Variants in ERG observed in about 807,000 individuals in gnomAD.
The protein encoded by ERG is transcriptional regulator ERG.
Under a neutral mutation model 55.3 loss-of-function variants are expected in ERG, and 9 were observed. That is an observed-to-expected ratio of 0.16 (90% CI 0.10 to 0.28). The LOEUF (loss-of-function observed/expected upper bound fraction) is 0.28, where lower values mean the gene tolerates loss of function less well. Among genes scored for constraint, ERG ranks in the 10% least tolerant of loss-of-function variants. The probability of loss-of-function intolerance (pLI) is 1.00; values close to 1 mark genes in which losing one functional copy is unlikely to be tolerated. For synonymous variants in ERG, 223 were observed against 237.3 expected (o/e 0.94, Z 0.55); for missense variants, 434 against 631.6 (o/e 0.69, Z 3.35).
intron 1 of ERG, among the ~76,000 whole-genome samples, chr21:38,600,190 C>T (rs746093404): frequency 2.6e-5 from 4 of 152,198 alleles, no homozygotes; most frequent in East Asian, 1.9e-4. Flanking sequence ...CCCAACCCCG[C>T]CCCGGCTTTG....
rs373159463 is a variant in ERG at position 38,445,514 on chromosome 21, T to C, written c.126A>G (p.Gly42=). The change falls in exon 2 of 10, where the codon GGA becomes GGG. Residue 42 remains glycine (G), a synonymous_variant. Coordinates refer to ENST00000288319, the MANE Select transcript of ERG (RefSeq NM_182918.4). ...EMTASSSSDY[G]QTSKMSPRVP... is the part of the protein sequence containing the mutation. ...CGCGTGGGCTCATCTTGGAAGTCTG[T>C]CCATAGTCGCTGGAGGAGGACGCGG... 2 of 1,613,986 alleles carry C rather than the reference T, an allele frequency of 1.2e-6. No individual in the cohort carries two copies. The highest frequency in any genetic ancestry group is 1.1e-5 in the South Asian group (1 of 91,074).
intron 3 of ERG, among the ~76,000 whole-genome samples, chr21:38,413,776 G>A (rs1191404142): frequency 1.3e-5 from 2 of 151,954 alleles, no homozygotes; most frequent in East Asian, 3.9e-4. Flanking sequence ...TGCTCATCAT[G>A]TTTTAGAAAT....
chr21:38,421,832 A>G (rs543368110), intron 3 of ERG, among the ~76,000 whole-genome samples: 1 of 152,294 alleles, frequency 6.6e-6, no homozygotes, highest in East Asian at 1.9e-4. Context: ...GGAAGAGGAT[A>G]ATAAGAAAAC....
intron 1 of ERG, among the ~76,000 whole-genome samples, chr21:38,446,275 T>TCCAAACAG (rs1229999004): frequency 2.1e-5 from 3 of 140,944 alleles, no homozygotes; most frequent in Non-Finnish European, 4.6e-5. Context: ...TCCAGATGCT[T>TCCAAACAG]CCAAACAGCA....
At chr21:38,407,304 G>A (rs1448012972) in intron 3 of ERG, among the ~76,000 whole-genome samples, 1 of 152,138 alleles carries the variant, frequency 6.6e-6, no homozygotes, top group Non-Finnish European at 1.5e-5. Context: ...GTGATATTTA[G>A]AGACTAAAAA....
At chr21:38,535,107 C>A (rs1222189524) in intron 2 of ERG, among the ~76,000 whole-genome samples, 1 of 152,028 alleles carries the variant, frequency 6.6e-6, no homozygotes, top group Non-Finnish European at 1.5e-5. Context: ...AAGGCTCTCC[C>A]ACCCCCACCA....
chr21:38,367,631 C>A, the ERG span: 1 of 520,738 alleles, frequency 1.9e-6, no homozygotes, highest in African/African-American at 1.9e-5. Flanking sequence ...TCATTAAAAG[C>A]AGATCATTGG....
chr21:38,611,104 TCTC>T (rs909176154), intron 1 of ERG, among the ~76,000 whole-genome samples: 8 of 151,846 alleles, frequency 5.3e-5, no homozygotes, highest in African/African-American at 1.5e-4. Context: ...GCTCACTTCT[TCTC>T]CTCGTGCCAC....
chr21:38,449,824 G>A (rs1189094652), intron 1 of ERG, among the ~76,000 whole-genome samples: 1 of 152,128 alleles, frequency 6.6e-6, no homozygotes, highest in Non-Finnish European at 1.5e-5. Context: ...AACCTCTTTT[G>A]AAAATTTGGG....
chr21:38,547,285 A>G (rs1332960810), intron 2 of ERG, among the ~76,000 whole-genome samples: 2 of 152,202 alleles, frequency 1.3e-5, no homozygotes, highest in Non-Finnish European at 2.9e-5. Context: ...TTGCCAAAAT[A>G]TTGGGGATTG....
intron 3 of ERG, among the ~76,000 whole-genome samples, chr21:38,409,777 G>A (rs981673447): frequency 1.1e-4 from 17 of 152,188 alleles, no homozygotes; most frequent in African/African-American, 3.6e-4. Context: ...ACGAGGATGG[G>A]GATGAAAGCT....
chr21:38,513,294 TA>T (rs35826427), intron 2 of ERG, among the ~76,000 whole-genome samples: 75 of 150,858 alleles, frequency 5.0e-4, no homozygotes, highest in South Asian at 2.1e-4. Flanking sequence ...TGAAACTTGT[TA>T]AAAAAAAAGA....
chr21:38,603,598 T>C (rs1285491335), intron 1 of ERG, among the ~76,000 whole-genome samples: 1 of 149,634 alleles, frequency 6.7e-6, no homozygotes, highest in Non-Finnish European at 1.5e-5. Context: ...ATGCCAGCCT[T>C]CTCACTGAGT....
intron 3 of ERG, 131 bp downstream of exon 3, chr21:38,423,279 T>C (rs1036830237): frequency 1.1e-6 from 1 of 924,114 alleles, no homozygotes; most frequent in African/African-American, 1.7e-5. Flanking sequence ...CCAGCTCCCA[T>C]TTACAAGCCC....
intron 9 of ERG, among the ~76,000 whole-genome samples, chr21:38,388,821 T>G (rs1051064902): frequency 6.6e-6 from 1 of 152,138 alleles, no homozygotes; most frequent in African/African-American, 2.4e-5. Context: ...GGTCCCTCTA[T>G]CTACAAAGGG....
At chr21:38,509,280 T>C (rs116439778) in intron 2 of ERG, among the ~76,000 whole-genome samples, 58 of 152,346 alleles carry the variant, frequency 3.8e-4, no homozygotes, top group African/African-American at 1.3e-3. Flanking sequence ...GCAGAAAATA[T>C]TCCTTCTGTA....
intron 1 of ERG, among the ~76,000 whole-genome samples, chr21:38,639,201 C>T (rs1370655602): frequency 6.6e-6 from 1 of 152,166 alleles, no homozygotes; most frequent in Non-Finnish European, 1.5e-5. Context: ...CAACAAGCCC[C>T]ACCTGGGCAC....
chr21:38,600,401 TC>T (rs1343242162), intron 1 of ERG, among the ~76,000 whole-genome samples: 1 of 152,008 alleles, frequency 6.6e-6, no homozygotes, highest in Non-Finnish European at 1.5e-5. Context: ...ACAGAAAACG[TC>T]CCCTGAAGGA....
intron 1 of ERG, among the ~76,000 whole-genome samples, chr21:38,474,882 T>G (rs142902849): frequency 1.5e-3 from 229 of 152,304 alleles, no homozygotes; most frequent in Admixed American, 5.1e-3. Context: ...TCGTAGACAA[T>G]ATAGGACCTT....
Sources: gnomAD v4.1 joint callset for allele counts (sites outside exome capture counted in the v4.1 genomes callset) on GRCh38, gnomAD v4.1.1 for gene constraint, MANE v1.5 for transcripts, NCBI Gene and HGNC (gene_info 2026-07-23, HGNC 2026-07-21) for gene names.